SPTAN1: variants seen among roughly 807,000 people sequenced by gnomAD.
The protein encoded by SPTAN1 is spectrin alpha, non-erythrocytic 1.
A neutral mutation model predicts 331.3 loss-of-function variants in SPTAN1; 61 were observed. That is an observed-to-expected ratio of 0.18 (90% confidence interval 0.15 to 0.23). The LOEUF is 0.23. SPTAN1 is among the 10% of genes least tolerant of loss of function. The pLI is 1.00. For missense variants in SPTAN1, 2,043 were observed against 3,147.9 expected (o/e 0.65, Z 8.40); for synonymous variants, 1,153 against 1,173.9 (o/e 0.98, Z 0.36).
At chr9:128,631,757 GT>G (rs1258452287) in intron 52 of SPTAN1, 1 of 254,300 alleles carries the variant, frequency 3.9e-6, no homozygotes, top group Non-Finnish European at 7.7e-6. Flanking sequence ...AACCCGGGAG[GT>G]TGCAGTGAGC....
In SPTAN1 at chr9:128,627,832, CTT is replaced by C; in HGVS notation, c.6690-91_6690-90del. 1 of 1,497,986 alleles carries C rather than the reference CTT, an allele frequency of 6.7e-7. No individual in the cohort carries two copies. Among genetic ancestry groups the C allele is most frequent in the Non-Finnish European group, 9.3e-7 (1 of 1,074,414 alleles). The allele number at this position is 1,497,986 out of a possible 1,614,324, so 92.8% of individuals were successfully genotyped here. Reference sequence around the variant, plus strand: ...TACTGATGTTCTTGCTTTTGTTTTCCTTTCTTTCTTGTGTCTTCTCTCTGTCC... The same window carrying C: ...TACTGATGTTCTTGCTTTTGTTTTCCTCTTTCTTGTGTCTTCTCTCTGTCC... On this transcript the variant is annotated intron_variant, in intron 50 of 56. Coordinates refer to ENST00000372739, the MANE Select transcript of SPTAN1 (RefSeq NM_001130438.3). This position sits in a 1 kb window ranked among gnomAD's most constrained non-coding sequence, Gnocchi z 4.9.
chr9:128,560,384 T>TC (rs1460822250), intron 1 of SPTAN1, among the ~76,000 whole-genome samples: 1 of 143,790 alleles, frequency 7.0e-6, no homozygotes, highest in African/African-American at 2.5e-5. Context: ...GTGCCCGCCT[T>TC]TTTTTTTTTT....
intron 1 of SPTAN1, chr9:128,555,263 AT>A (rs1848498572): frequency 1.0e-6 from 1 of 989,378 alleles, no homozygotes; most frequent in Non-Finnish European, 1.4e-6. Context: ...CTGTATTCAT[AT>A]TTTTTAAATA....
At chr9:128,632,071 G>GC in intron 52 of SPTAN1, 56 bp from the exon 53 acceptor site, 8 of 1,585,398 alleles carry the variant, frequency 5.0e-6, no homozygotes, top group Non-Finnish European at 6.9e-6. Context: ...TGGCTCCTGG[G>GC]CTGGTGACTG....
intron 1 of SPTAN1, among the ~76,000 whole-genome samples, chr9:128,563,241 C>T (rs1849625640): frequency 6.6e-6 from 1 of 151,532 alleles, no homozygotes; most frequent in Non-Finnish European, 1.5e-5. Flanking sequence ...CATGGTGAAA[C>T]CACACCTGTA....
At chr9:128,580,768 C>T (rs1054445297) in intron 10 of SPTAN1, among the ~76,000 whole-genome samples, 154 bp from the exon 11 acceptor site, 1 of 152,172 alleles carries the variant, frequency 6.6e-6, no homozygotes, top group East Asian at 1.9e-4. Flanking sequence ...TGAACATGCA[C>T]ATACAAGTGA....
In SPTAN1 at chr9:128,584,834, G is replaced by C; in HGVS notation, c.2551G>C (p.Val851Leu). Residue 851 changes from valine to leucine, a missense_variant, in exon 18 of 57, where the codon GTG becomes CTG. By Grantham distance (32) the Val-to-Leu change is conservative (BLOSUM62 1). Coordinates refer to ENST00000372739, the MANE Select transcript of SPTAN1 (RefSeq NM_001130438.3). ...KAVTQKGNAM[V>L]EEGHFAAEDV... ...AGTTACACAGAAGGGGAATGCCATG[G>C]TGGAGGAAGGTGAGTGATTGGTATC... 6.2e-7 allele frequency: 1 copy of C among 1,614,194 alleles called. No individual in the cohort carries two copies. The highest frequency in any genetic ancestry group is 1.3e-5 in the African/African-American group (1 of 75,054).
At chr9:128,566,130 C>T (rs1388891290) in intron 1 of SPTAN1, among the ~76,000 whole-genome samples, 1 of 152,196 alleles carries the variant, frequency 6.6e-6, no homozygotes, top group Non-Finnish European at 1.5e-5. Flanking sequence ...AATGATGGCT[C>T]ACTGCAGTCT....
At position 128,565,026 on chromosome 9, in the gene SPTAN1, C is replaced by G. The variant is rs146951548; in HGVS notation, c.-3-1712C>G. Among the ~76,000 whole-genome samples, 190 of 152,150 alleles carry G rather than the reference C, an allele frequency of 1.2e-3. 1 individual carries two copies. The highest frequency in any genetic ancestry group is 4.4e-3 in the African/African-American group (182 of 41,532). ...CTTCTGTCTGAAGGAAGCCATAGGT[C>G]GGGGGCAGTGGCTCACACCTGTAAT... On this transcript the variant is annotated intron_variant, in intron 1 of 56. Transcript: ENST00000372739.
intron 37 of SPTAN1, 100 bp from the exon 38 acceptor site, chr9:128,611,614 T>A: frequency 7.0e-7 from 1 of 1,426,380 alleles, no homozygotes; most frequent in Non-Finnish European, 9.7e-7. Flanking sequence ...CCCCAGTTCT[T>A]TATGTTTGCT....
Position 128,605,014 on chromosome 9 carries a change from T to C in SPTAN1, c.3720-20T>C. The C allele has an allele frequency of 6.2e-7, 1 of 1,614,020 alleles. No homozygotes were observed. The highest frequency in any genetic ancestry group is 1.3e-5 in the African/African-American group (1 of 75,046). On this transcript the variant is annotated intron_variant, in intron 29 of 56. Transcript: ENST00000372739. ...CAGTTGTACTTGGCATTTCTTAACC[T>C]GAATGTGTCTCGCCTTTAGAGATGC...
intron 32 of SPTAN1, 38 bp downstream of exon 32, chr9:128,607,741 T>C (rs2131614450): frequency 1.2e-6 from 2 of 1,612,582 alleles, no homozygotes; most frequent in East Asian, 4.5e-5. Context: ...AAGACGTGGC[T>C]GCTCTGCAGG....
chr9:128,613,347 C>T lies in SPTAN1; in HGVS notation c.5044-34C>T, dbSNP rs758865259. The T allele has an allele frequency of 8.2e-6, 13 of 1,581,560 alleles. No homozygotes were observed. The South Asian group carries it at 1.4e-4, about 17-fold the overall frequency. Reference sequence around the variant, plus strand: ...TCCAGAATGCTGAGTATACACCACACAGTAGCCTTTGCTTTTTGTGTTTTC... The same window carrying T: ...TCCAGAATGCTGAGTATACACCACATAGTAGCCTTTGCTTTTTGTGTTTTC... On this transcript the variant is annotated intron_variant, in intron 39 of 56. Coordinates refer to ENST00000372739, the MANE Select transcript of SPTAN1 (RefSeq NM_001130438.3).
chr9:128,614,005 A>C (rs1856844042), intron 40 of SPTAN1, among the ~76,000 whole-genome samples: 1 of 142,208 alleles, frequency 7.0e-6, no homozygotes, highest in Non-Finnish European at 1.5e-5. Context: ...ACTCCATCTC[A>C]AAAAAAAAAA....
At chr9:128,583,598 A>C (rs1306228678) in intron 15 of SPTAN1, among the ~76,000 whole-genome samples, 190 bp from the exon 16 acceptor site, 1 of 152,156 alleles carries the variant, frequency 6.6e-6, no homozygotes, top group African/African-American at 2.4e-5. Flanking sequence ...AGGGGGTTAG[A>C]ATGCTTCCAG....
At chr9:128,617,604 A>G (rs773461609) in intron 41 of SPTAN1, 36 bp from the exon 42 acceptor site, 3 of 1,613,834 alleles carry the variant, frequency 1.9e-6, no homozygotes, top group African/African-American at 2.7e-5. Context: ...AGGGAGGTGC[A>G]GAGACTGACT....
In SPTAN1 at chr9:128,629,931, C is replaced by G. The variant is rs987696642; in HGVS notation, c.6708-390C>G. ...TGTCAGGTTCTCAGCCTCCCCTCTG[C>G]CCTGAGGTCTCCTGTCTGTCAGGTG... On this transcript the variant is annotated intron_variant, in intron 51 of 56. Coordinates refer to ENST00000372739, the MANE Select transcript of SPTAN1 (RefSeq NM_001130438.3). The surrounding 1 kb of genome is among the most constrained non-coding windows in gnomAD (Gnocchi z 4.9). 36 of 367,116 alleles carry G rather than the reference C, an allele frequency of 9.8e-5. No individual in the cohort carries two copies. Among genetic ancestry groups the G allele is most frequent in the Non-Finnish European group, 1.8e-4 (34 of 188,282 alleles). 22.7% of individuals were successfully genotyped at this position (367,116 alleles called of 1,614,324 possible).
rs117940811 is a variant in SPTAN1 at position 128,554,338 on chromosome 9, A to G, written c.-4+1642A>G. Among the ~76,000 whole-genome samples the G allele has an allele frequency of 2.8e-3, 427 of 152,318 alleles. 10 individuals carry two copies. The East Asian group carries it at 0.041, about 15-fold the overall frequency. ...CTTTGGTCTTGGCAGTGTGTTTTGT[A>G]GTCATCTAATAATTGGAGAAATCTG... On this transcript the variant is annotated intron_variant, in intron 1 of 56. Coordinates refer to ENST00000372739, the MANE Select transcript of SPTAN1 (RefSeq NM_001130438.3).
rs1247152630 is a variant in SPTAN1 at position 128,625,336 on chromosome 9, G to C, written c.6069+157G>C. On this transcript the variant is annotated intron_variant, in intron 47 of 56. Transcript: ENST00000372739. The surrounding 1 kb of genome is among the most constrained non-coding windows in gnomAD (Gnocchi z 4.1). ...TCCTCAGGGAGCTTCCAGACTAACT[G>C]GGGAAGCAGACACAGAACCAGGCAT... Among the ~76,000 whole-genome samples the C allele has an allele frequency of 6.6e-6, 1 of 152,186 alleles. No homozygotes were observed. Among genetic ancestry groups the C allele is most frequent in the African/African-American group, 2.4e-5 (1 of 41,450 alleles).
Sources: allele counts gnomAD v4.1 joint callset (sites outside exome capture counted in the v4.1 genomes callset), GRCh38; gene constraint gnomAD v4.1.1; non-coding constraint Gnocchi (gnomAD v3.1); transcripts MANE v1.5; gene names NCBI Gene and HGNC (gene_info 2026-07-23, HGNC 2026-07-21).